MIDEAS: variants seen among roughly 807,000 people sequenced by gnomAD.
MIDEAS encodes the protein mitotic deacetylase associated SANT domain protein, also known as mitotic deacetylase-associated SANT domain protein.
A neutral mutation model predicts 102.7 loss-of-function variants in MIDEAS; 26 were observed. That is an observed-to-expected ratio of 0.25 (90% CI 0.19 to 0.35). The LOEUF is 0.35. MIDEAS is among the 10% of genes least tolerant of loss of function. The pLI is 1.00. For synonymous variants in MIDEAS, 585 were observed against 591.0 expected (o/e 0.99, Z 0.15); for missense variants, 1,231 against 1,435.6 (o/e 0.86, Z 2.30).
At chr14:73,738,100 T>C (rs893217034) in intron 2 of MIDEAS, among the ~76,000 whole-genome samples, 1 of 152,096 alleles carries the variant, frequency 6.6e-6, no homozygotes, top group African/African-American at 2.4e-5. Context: ...TGTTCTCTTC[T>C]ATAGAAAGTG....
In MIDEAS at chr14:73,729,675, G is replaced by T; in HGVS notation, c.2060C>A (p.Thr687Lys). 1 of 1,613,590 alleles carries T rather than the reference G, an allele frequency of 6.2e-7. No homozygotes were observed. Among genetic ancestry groups the T allele is most frequent in the South Asian group, 1.1e-5 (1 of 91,030 alleles). ...TSTIPAPPPI[T>K]PKSAHRTLLR... Reference sequence around the variant, plus strand: ...CAGCGTGCGATGGGCACTCTTAGGCGTGATGGGAGGAGGGGCAGGGATGGT... The same window carrying T: ...CAGCGTGCGATGGGCACTCTTAGGCTTGATGGGAGGAGGGGCAGGGATGGT... The change falls in exon 4 of 13, where the codon ACG becomes AAG. Residue 687 changes from threonine (T) to lysine (K), a missense_variant. Around this residue, in one of 5 missense-constraint regions of MIDEAS, gnomAD observed 391 missense variants for 483.0 expected, o/e 0.81. Coordinates refer to ENST00000423556, the MANE Select transcript of MIDEAS (RefSeq NM_001367710.1).
Position 73,730,003 on chromosome 14 carries a change from A to C in MIDEAS, c.1750-18T>G. On this transcript the variant is annotated intron_variant, in intron 3 of 12. Coordinates refer to ENST00000423556, the MANE Select transcript of MIDEAS (RefSeq NM_001367710.1). ...TCCTCTGCCTGGAGAAGGAAAGAAA[A>C]CAAGGACGGCTCAGCCCCCCGTGTC... 1 of 1,604,170 alleles carries C rather than the reference A, an allele frequency of 6.2e-7. No homozygotes were observed. Among genetic ancestry groups the C allele is most frequent in the South Asian group, 1.1e-5 (1 of 90,632 alleles).
chr14:73,788,155 GA>G (rs71115905), upstream of MIDEAS, among the ~76,000 whole-genome samples: 25,612 of 130,444 alleles, frequency 0.2, 2,554 homozygotes, highest in African/African-American at 0.33. Flanking sequence ...CTTTGCTGGT[GA>G]AAAAAAAAAA....
chr14:73,722,802 AG>A lies in MIDEAS; in HGVS notation c.2619del (p.Tyr874ThrfsTer5). 1 of 1,614,202 alleles carries A rather than the reference AG, an allele frequency of 6.2e-7. No individual in the cohort carries two copies. Among genetic ancestry groups the A allele is most frequent in the Non-Finnish European group, 8.5e-7 (1 of 1,180,014 alleles). On this transcript the variant is annotated frameshift_variant, in exon 10 of 13. Coordinates refer to ENST00000423556, the MANE Select transcript of MIDEAS (RefSeq NM_001367710.1). LOFTEE classifies it high-confidence loss of function. ...CGGCCGATTTTCACCTGCTTCTTGT[AG>A]GTGTAGTAGAACTCCACGCACTGGG... ...TVAQCVEFYYTYKKQVKIGRN... is the reference protein window; with the variant it reads ...TVAQCVEFYYXYKKQVKIGRN...
intron 1 of MIDEAS, among the ~76,000 whole-genome samples, chr14:73,745,525 T>C (rs2053340135): frequency 6.6e-6 from 1 of 152,132 alleles, no homozygotes; most frequent in Non-Finnish European, 1.5e-5. Flanking sequence ...GAGCACAGCA[T>C]GGCCCAGCTG....
chr14:73,715,404 T>C lies in MIDEAS; in HGVS notation c.*3439A>G, dbSNP rs1198782844. 6.5e-6 allele frequency: 1 copy of C among 152,680 alleles called. No homozygotes were observed. Among genetic ancestry groups the C allele is most frequent in the African/African-American group, 2.4e-5 (1 of 41,464 alleles). 9.5% of individuals were successfully genotyped at this position (152,680 alleles called of 1,614,324 possible). A position where few individuals can be genotyped will look rare whatever the true frequency, so the allele number is the denominator to read the frequency against. ...CACAAAAGGCAGTGTCTGATCATTTTTGTTTCAAAATAAAAGGAATATACT... is the reference window on the plus strand; with the variant it reads ...CACAAAAGGCAGTGTCTGATCATTTCTGTTTCAAAATAAAAGGAATATACT... On this transcript the variant is annotated 3_prime_UTR_variant, in exon 13 of 13. Transcript: ENST00000423556.
Position 73,737,072 on chromosome 14 carries a change from C to G in MIDEAS, c.1675G>C (p.Ala559Pro). 3 of 1,614,144 alleles carry G rather than the reference C, an allele frequency of 1.9e-6. No homozygotes were observed. The highest frequency in any genetic ancestry group is 1.7e-4 in the Middle Eastern group (1 of 6,054). ...EDGKGPEQNP[A>P]EHKPSVIVTR... Reference sequence around the variant, plus strand: ...ACGATGACTGATGGCTTGTGCTCAGCAGGGTTCTGTTCAGGACCCTTCCCG... The same window carrying G: ...ACGATGACTGATGGCTTGTGCTCAGGAGGGTTCTGTTCAGGACCCTTCCCG... The change falls in exon 3 of 13, where the codon GCT (alanine) becomes CCT (proline). Residue 559 changes from alanine to proline, a missense_variant. By Grantham distance (27) the Ala-to-Pro change is conservative. Transcript: ENST00000423556.
chr14:73,762,249 G>A (rs998214223), upstream of MIDEAS, among the ~76,000 whole-genome samples: 6 of 152,198 alleles, frequency 3.9e-5, no homozygotes, highest in Non-Finnish European at 7.3e-5. Context: ...TGACTGGGAA[G>A]CACATTGCTA....
intron 1 of MIDEAS, among the ~76,000 whole-genome samples, chr14:73,754,419 C>T (rs1471098281): frequency 3.3e-5 from 5 of 152,228 alleles, no homozygotes; most frequent in Non-Finnish European, 7.3e-5. Context: ...AGGACTGAGC[C>T]ACACCCAGGA....
rs753114148 is a variant in MIDEAS, at chr14:73,739,010, T to C, written c.999A>G (p.Pro333=). The C allele has an allele frequency of 2.6e-6, 4 of 1,538,970 alleles. No homozygotes were observed. Among genetic ancestry groups the C allele is most frequent in the Non-Finnish European group, 3.5e-6 (4 of 1,142,710 alleles). ...KALLQDSAPQ[P]ALPQVQIPFP... Reference sequence around the variant, plus strand: ...AGGGGATCTGGACCTGAGGTAGCGCTGGCTGCGGGGCTGAGTCCTGCAGAA... The same window carrying C: ...AGGGGATCTGGACCTGAGGTAGCGCCGGCTGCGGGGCTGAGTCCTGCAGAA... The change falls in exon 2 of 13, where the codon CCA becomes CCG. Residue 333 remains proline, a synonymous_variant. Coordinates refer to ENST00000423556, the MANE Select transcript of MIDEAS (RefSeq NM_001367710.1).
At chr14:73,787,495 C>G (rs1053968743), upstream of MIDEAS, 10 of 152,302 alleles carry the variant, frequency 6.6e-5, no homozygotes, top group African/African-American at 2.4e-4. Context: ...GCTGGAGTCC[C>G]CTGCTCTCAG....
intron 3 of MIDEAS, 162 bp from the exon 4 acceptor site, chr14:73,730,147 A>T (rs1447340879): frequency 2.6e-6 from 2 of 765,858 alleles, no homozygotes; most frequent in African/African-American, 3.4e-5. Context: ...CCTTTTTATC[A>T]TCTCCTCTAG....
chr14:73,752,600 G>A (rs971774679), intron 1 of MIDEAS, among the ~76,000 whole-genome samples: 1 of 152,132 alleles, frequency 6.6e-6, no homozygotes, highest in African/African-American at 2.4e-5. Flanking sequence ...AGAGGGAGGG[G>A]AGTCTCAGTG....
At position 73,739,292 on chromosome 14, in the gene MIDEAS, C is replaced by T. The variant is rs775743222; in HGVS notation, c.717G>A (p.Pro239=). ...VFRQGPPPPN[P]VAAFPPQKQQ... is the part of the protein sequence containing the mutation. The stretch of plus-strand genomic sequence containing the variant: ...GCTTCTGTGGAGGGAAGGCAGCCAC[C>T]GGGTTTGGGGGCGGTGGGCCCTGCC... Residue 239 remains proline (P), a synonymous_variant, in exon 2 of 13, where the codon CCG becomes CCA. Coordinates refer to ENST00000423556, the MANE Select transcript of MIDEAS (RefSeq NM_001367710.1). 24 of 1,611,434 alleles carry T rather than the reference C, an allele frequency of 1.5e-5. No individual in the cohort carries two copies. The highest frequency in any genetic ancestry group is 2.2e-5 in the East Asian group (1 of 44,886).
chr14:73,723,948 A>G (rs2053028920), intron 9 of MIDEAS: 1 of 152,240 alleles, frequency 6.6e-6, no homozygotes. Context: ...GGAAACTCAC[A>G]AGAAAGCCCT....
chr14:73,763,330 G>T (rs10132617), upstream of MIDEAS, among the ~76,000 whole-genome samples: 4,297 of 152,214 alleles, frequency 0.028, 66 homozygotes, highest in African/African-American at 0.048. Flanking sequence ...AGGGTGAGAC[G>T]TTGTCTCAAG....
upstream of MIDEAS, among the ~76,000 whole-genome samples, chr14:73,761,991 G>A (rs532436405): frequency 6.6e-6 from 1 of 152,334 alleles, no homozygotes; most frequent in South Asian, 2.1e-4. Flanking sequence ...GATCAGGGTA[G>A]AGCCTTTTTA....
At position 73,726,851 on chromosome 14, in the gene MIDEAS, T is replaced by C. The variant is rs1419872672; in HGVS notation, c.2284A>G (p.Ser762Gly). 1.9e-6 allele frequency: 3 copies of C among 1,611,130 alleles called. No individual in the cohort carries two copies. Among genetic ancestry groups the C allele is most frequent in the Non-Finnish European group, 2.5e-6 (3 of 1,177,774 alleles). ...VWQPWEDLES[S>G]REKQRQVEDL... Reference sequence around the variant, plus strand: ...TCACCTTGCCTCTGCTTCTCCCGGCTGCTCTCTAGGTCCTCCCATGGCTGC... The same window carrying C: ...TCACCTTGCCTCTGCTTCTCCCGGCCGCTCTCTAGGTCCTCCCATGGCTGC... Residue 762 changes from serine (S) to glycine (G), a missense_variant, in exon 6 of 13, where the codon AGC becomes GGC. Physicochemically the swap from Ser to Gly is moderately conservative, Grantham distance 56. Coordinates refer to ENST00000423556, the MANE Select transcript of MIDEAS (RefSeq NM_001367710.1).
At chr14:73,732,113 C>T (rs1223207656) in intron 3 of MIDEAS, among the ~76,000 whole-genome samples, 1 of 152,192 alleles carries the variant, frequency 6.6e-6, no homozygotes, top group African/African-American at 2.4e-5. Context: ...GCTCAGGCTC[C>T]TTCCTGTCTC....
Sources: allele counts gnomAD v4.1 joint callset (sites outside exome capture counted in the v4.1 genomes callset), GRCh38; gene constraint gnomAD v4.1.1; regional missense constraint gnomAD v4.1.1; transcripts MANE v1.5; gene names NCBI Gene and HGNC (gene_info 2026-07-23, HGNC 2026-07-21).